Variants in NAALADL2 observed in about 807,000 individuals in gnomAD.
NAALADL2 encodes the protein inactive N-acetylated-alpha-linked acidic dipeptidase-like protein 2.
NAALADL2 carries 76 observed loss-of-function variants against 87.2 expected under a neutral mutation model. That is an observed-to-expected ratio of 0.87 (90% CI 0.72 to 1.05). The LOEUF is 1.05. Among genes scored for constraint, NAALADL2 ranks in the 50% least tolerant of loss-of-function variants. NAALADL2 has a pLI of 0.00. For synonymous variants in NAALADL2, 354 were observed against 331.0 expected (o/e 1.07, Z -0.75); for missense variants, 1,089 against 945.8 (o/e 1.15, Z -1.99).
At chr3:175,033,786 T>A (rs1333711222) in intron 1 of NAALADL2, among the ~76,000 whole-genome samples, 1 of 152,136 alleles carries the variant, frequency 6.6e-6, no homozygotes, top group Non-Finnish European at 1.5e-5. Flanking sequence ...TTACGTGGTT[T>A]AATCCAGTTC....
intron 1 of NAALADL2, among the ~76,000 whole-genome samples, chr3:174,493,261 C>A: frequency 6.6e-6 from 1 of 152,168 alleles, no homozygotes; most frequent in Admixed American, 6.5e-5. Flanking sequence ...AAAATGATGT[C>A]ATTAGAGTGG....
Position 174,997,532 on chromosome 3 carries a change from G to A in NAALADL2, c.44-99258G>A, listed in dbSNP as rs188338294. Among the ~76,000 whole-genome samples the A allele has an allele frequency of 1.4e-3, 219 of 152,122 alleles. 1 individual carries two copies. The highest frequency in any genetic ancestry group is 5.2e-3 in the African/African-American group (216 of 41,528). Reference sequence around the variant, plus strand: ...TGCTAAATTGTGAAGAAGGTTAAAAGACAAGAGAGGGGCCGGGCACGGTGG... The same window carrying A: ...TGCTAAATTGTGAAGAAGGTTAAAAAACAAGAGAGGGGCCGGGCACGGTGG... On this transcript the variant is annotated intron_variant, in intron 1 of 13. Transcript: ENST00000454872.
At chr3:175,226,936 G>A (rs1744240929) in intron 2 of NAALADL2, among the ~76,000 whole-genome samples, 1 of 151,994 alleles carries the variant, frequency 6.6e-6, no homozygotes, top group Admixed American at 6.6e-5. Flanking sequence ...CACATATATA[G>A]TACATGATTA....
intron 2 of NAALADL2, among the ~76,000 whole-genome samples, chr3:175,206,273 T>TC (rs1437400506): frequency 1.3e-5 from 1 of 76,888 alleles, no homozygotes; most frequent in Non-Finnish European, 2.7e-5. Context: ...TTTTTTTTTT[T>TC]CACTGTGTGT....
At chr3:175,573,760 A>G (rs1166793435) in intron 9 of NAALADL2, among the ~76,000 whole-genome samples, 7 of 152,212 alleles carry the variant, frequency 4.6e-5, no homozygotes, top group African/African-American at 1.7e-4. Context: ...TGTGTCAGAA[A>G]GTGAAAAAGG....
intron 11 of NAALADL2, among the ~76,000 whole-genome samples, chr3:175,731,907 T>C (rs1343438786): frequency 6.6e-6 from 1 of 152,196 alleles, no homozygotes; most frequent in Non-Finnish European, 1.5e-5. Flanking sequence ...ACATGTCTTT[T>C]CTGTAGTCTC....
intron 2 of NAALADL2, among the ~76,000 whole-genome samples, chr3:174,559,191 T>C (rs1578169537): frequency 6.6e-6 from 1 of 152,084 alleles, no homozygotes; most frequent in African/African-American, 2.4e-5. Context: ...AAGAGGAAAC[T>C]GAGAGGCCAA....
chr3:175,379,174 C>T (rs1416831121), intron 5 of NAALADL2, among the ~76,000 whole-genome samples: 1 of 144,184 alleles, frequency 6.9e-6, no homozygotes, highest in South Asian at 2.2e-4. Flanking sequence ...AGTTACTTAA[C>T]CTGTTTCTTC....
chr3:175,187,669 A>G (rs1256714132), intron 2 of NAALADL2, among the ~76,000 whole-genome samples: 1 of 152,152 alleles, frequency 6.6e-6, no homozygotes, highest in Non-Finnish European at 1.5e-5. Context: ...CTCTTTAAAT[A>G]TGCTAGGCAA....
chr3:175,627,395 G>A lies in NAALADL2; in HGVS notation c.1896+9G>A, dbSNP rs1727139090. The A allele has an allele frequency of 3.3e-6, 5 of 1,493,616 alleles. No homozygotes were observed. The highest frequency in any genetic ancestry group is 3.6e-6 in the Non-Finnish European group (4 of 1,098,102). 92.5% of individuals were successfully genotyped at this position (1,493,616 alleles called of 1,614,324 possible). A position where few individuals can be genotyped will look rare whatever the true frequency, so the allele number is the denominator to read the frequency against. ...ATGAAACCATTACTAAGGTAGGGGA[G>A]AAATGCATTCAAAAATAGGTGAGAA... On this transcript the variant is annotated intron_variant, in intron 11 of 13. Coordinates refer to ENST00000454872, the MANE Select transcript of NAALADL2 (RefSeq NM_207015.3).
chr3:175,250,160 AT>A (rs1169044899), intron 3 of NAALADL2, among the ~76,000 whole-genome samples: 1 of 150,372 alleles, frequency 6.7e-6, no homozygotes, highest in Admixed American at 6.6e-5. Context: ...CAAGAGCAAA[AT>A]TCGGTCTTAA....
At chr3:175,777,954 T>A (rs1050126524) in intron 13 of NAALADL2, among the ~76,000 whole-genome samples, 2 of 152,220 alleles carry the variant, frequency 1.3e-5, no homozygotes, top group African/African-American at 4.8e-5. Context: ...ACACATTTTC[T>A]CTAATAGTTA....
chr3:174,503,098 G>T (rs752815713), intron 1 of NAALADL2, among the ~76,000 whole-genome samples: 1 of 152,020 alleles, frequency 6.6e-6, no homozygotes, highest in Non-Finnish European at 1.5e-5. Context: ...AAGGAATGAG[G>T]TATTCAATTT....
At chr3:175,146,656 A>G (rs779253285) in intron 2 of NAALADL2, among the ~76,000 whole-genome samples, 2 of 152,170 alleles carry the variant, frequency 1.3e-5, no homozygotes, top group Non-Finnish European at 1.5e-5. Flanking sequence ...AAGAAGAAAA[A>G]TAATGAAAGA....
intron 13 of NAALADL2, among the ~76,000 whole-genome samples, chr3:175,788,316 T>C (rs981477889): frequency 8.6e-5 from 13 of 152,006 alleles, no homozygotes; most frequent in Non-Finnish European, 8.8e-5. Context: ...GGTCTGGAAC[T>C]CCTGAGCTCA....
At chr3:175,444,025 T>C (rs1010566489) in intron 5 of NAALADL2, among the ~76,000 whole-genome samples, 1 of 152,140 alleles carries the variant, frequency 6.6e-6, no homozygotes, top group Non-Finnish European at 1.5e-5. Flanking sequence ...ATGGGGGACG[T>C]GGCTCATGGA....
At chr3:175,414,861 C>A (rs1159167598) in intron 5 of NAALADL2, among the ~76,000 whole-genome samples, 2 of 151,918 alleles carry the variant, frequency 1.3e-5, no homozygotes, top group Non-Finnish European at 2.9e-5. Context: ...GCTCACTTTG[C>A]AAAGACAAAA....
At chr3:175,379,139 G>T (rs1767491114) in intron 5 of NAALADL2, among the ~76,000 whole-genome samples, 1 of 151,284 alleles carries the variant, frequency 6.6e-6, no homozygotes, top group Admixed American at 6.6e-5. Flanking sequence ...TGGACCCACT[G>T]GTTAAGAGAT....
At chr3:174,770,085 C>A (rs1165391334) in intron 3 of NAALADL2, among the ~76,000 whole-genome samples, 1 of 152,100 alleles carries the variant, frequency 6.6e-6, no homozygotes, top group African/African-American at 2.4e-5. Context: ...TATCCATCAA[C>A]TCTTTCAGCA....
Sources: gnomAD v4.1 joint callset for allele counts (sites outside exome capture counted in the v4.1 genomes callset) on GRCh38, gnomAD v4.1.1 for gene constraint, MANE v1.5 for transcripts, NCBI Gene and HGNC (gene_info 2026-07-23, HGNC 2026-07-21) for gene names.